Variants in RNF169 observed in about 807,000 individuals in gnomAD.
RNF169 encodes ring finger protein 169.
RNF169 carries 24 observed loss-of-function variants against 53.9 expected under a neutral mutation model. That is an observed-to-expected ratio of 0.45 (90% CI 0.32 to 0.63). The LOEUF is 0.63. Among genes scored for constraint, RNF169 ranks in the 20% least tolerant of loss-of-function variants. The probability of loss-of-function intolerance (pLI) is 0.04; values close to 1 mark genes in which losing one functional copy is unlikely to be tolerated. For synonymous variants in RNF169, 396 were observed against 363.5 expected, an observed-to-expected ratio of 1.09 and a Z score of -1.02; for missense variants, 883 against 906.2, an observed-to-expected ratio of 0.97 and a Z score of 0.33.
intron 1 of RNF169, among the ~76,000 whole-genome samples, chr11:74,783,821 T>A (rs930423324): frequency 1.3e-5 from 2 of 152,206 alleles, no homozygotes; most frequent in Non-Finnish European, 2.9e-5. Flanking sequence ...TTAAGAAAAG[T>A]AAAGTCTCAC....
rs1443964901 is a variant in RNF169, at chr11:74,834,611, A to G, written c.843-65A>G. The G allele has an allele frequency of 7.0e-6, 8 of 1,139,652 alleles. No individual in the cohort carries two copies. The East Asian group carries it at 9.9e-5, about 14-fold the overall frequency. 70.6% of individuals were successfully genotyped at this position (1,139,652 alleles called of 1,614,324 possible). A position where few individuals can be genotyped will look rare whatever the true frequency, so the allele number is the denominator to read the frequency against. On this transcript the variant is annotated intron_variant, in intron 4 of 5. Transcript: ENST00000299563. ...GCTTAGAAAGCAAAAAGATATTGTC[A>G]TCCTTTTTCCTTACCTATATATGGA...
intron 2 of RNF169, among the ~76,000 whole-genome samples, chr11:74,803,374 G>A (rs1235977804): frequency 1.3e-5 from 2 of 152,110 alleles, no homozygotes; most frequent in Non-Finnish European, 2.9e-5. Flanking sequence ...ATGAGCCACC[G>A]CGCCCAACCA....
intron 3 of RNF169, among the ~76,000 whole-genome samples, chr11:74,811,044 C>T (rs1230589844): frequency 6.6e-6 from 1 of 151,880 alleles, no homozygotes; most frequent in Non-Finnish European, 1.5e-5. Flanking sequence ...GTGATTCAGG[C>T]TTGTTAAAAT....
Position 74,749,018 on chromosome 11 carries a change from G to T in RNF169, c.138G>T (p.Ser46=), listed in dbSNP as rs1474085626. The change falls in exon 1 of 6, where the codon TCG becomes TCT. Residue 46 remains serine, a synonymous_variant. Transcript: ENST00000299563. ...CCCCAGGCCCGGCTTCTGGACCTTC[G>T]CTGTTGGTGTTGTCGCCGCCGTTGC... ...TGAPGPASGP[S]LLVLSPPLLQ... is the part of the protein sequence containing the mutation. The T allele has an allele frequency of 1.3e-6, 2 of 1,489,992 alleles. No homozygotes were observed. Among genetic ancestry groups the T allele is most frequent in the Non-Finnish European group, 1.8e-6 (2 of 1,116,734 alleles). The allele number at this position is 1,489,992 out of a possible 1,614,324, so 92.3% of individuals were successfully genotyped here.
At position 74,749,236 on chromosome 11, in the gene RNF169, G is replaced by A. The variant is rs759737139; in HGVS notation, c.356G>A (p.Arg119His). Residue 119 changes from arginine to histidine, a missense_variant, in exon 1 of 6, where the codon CGC becomes CAC. Around this residue, in one of 3 missense-constraint regions of RNF169, gnomAD observed 313 missense variants for 279.9 expected, o/e 1.12. Transcript: ENST00000299563. ...RGPGWARRRA[R>H]DDGQADSEVL... ...CCAGGCTGGGCCCGCCGTCGGGCCCGCGACGACGGCCAGGCCGACTCAGAG... is the reference window on the plus strand; with the variant it reads ...CCAGGCTGGGCCCGCCGTCGGGCCCACGACGACGGCCAGGCCGACTCAGAG... 1.7e-3 allele frequency: 1,844 copies of A among 1,079,878 alleles called. 2 individuals carry two copies. Among genetic ancestry groups the A allele is most frequent in the Non-Finnish European group, 1.9e-3 (1,682 of 893,132 alleles). The allele number at this position is 1,079,878 out of a possible 1,614,324, so 66.9% of individuals were successfully genotyped here. A position where few individuals can be genotyped will look rare whatever the true frequency, so the allele number is the denominator to read the frequency against.
chr11:74,807,645 C>T (rs967850100), intron 2 of RNF169: 3 of 152,074 alleles, frequency 2.0e-5, no homozygotes, highest in African/African-American at 7.2e-5. Flanking sequence ...ATAAAATAGT[C>T]ATGATAAATA....
At chr11:74,780,085 C>T (rs750274534) in intron 1 of RNF169, among the ~76,000 whole-genome samples, 10 of 152,122 alleles carry the variant, frequency 6.6e-5, no homozygotes, top group Admixed American at 1.3e-4. Flanking sequence ...GCCTGCCTTT[C>T]GCTGTTGTGC....
chr11:74,805,681 T>C lies in RNF169; in HGVS notation c.577-4503T>C, dbSNP rs533730316. ...AAGGCACTAACCGTAAGGTAAAAGA[T>C]TGATAAATTGAACTGCATCAGAACC... On this transcript the variant is annotated intron_variant, in intron 2 of 5. Transcript: ENST00000299563. Among the ~76,000 whole-genome samples the C allele has an allele frequency of 2.6e-4, 40 of 152,268 alleles. No individual in the cohort carries two copies. The South Asian group carries it at 5.4e-3, about 20-fold the overall frequency.
chr11:74,785,162 T>TATATATATATATGATATATATATATG lies in RNF169; in HGVS notation c.503-4454_503-4453insATGATATATATATATGATATATATAT, dbSNP rs1565176415. On this transcript the variant is annotated intron_variant, in intron 1 of 5. Coordinates refer to ENST00000299563, the MANE Select transcript of RNF169 (RefSeq NM_001098638.2). ...AGAAGCTTCAACATGTATTTTTATA[T>TATATATATATATGATATATATATATG]ATATATATATGATATATATATATGA... Among the ~76,000 whole-genome samples, 5 of 126,504 alleles carry TATATATATATATGATATATATATATG rather than the reference T, an allele frequency of 4.0e-5. No homozygotes were observed. The East Asian group carries it at 8.3e-4, about 21-fold the overall frequency. The allele number at this position is 126,504 out of a possible 152,430, so 83.0% of individuals were successfully genotyped here. A position where few individuals can be genotyped will look rare whatever the true frequency, so the allele number is the denominator to read the frequency against.
chr11:74,809,182 CTTAAT>C, intron 2 of RNF169, among the ~76,000 whole-genome samples: 1 of 151,820 alleles, frequency 6.6e-6, no homozygotes, highest in East Asian at 1.9e-4. Context: ...TGTTCTTTAG[CTTAAT>C]TTTTTTCTTA....
intron 4 of RNF169, among the ~76,000 whole-genome samples, chr11:74,822,959 G>A (rs772370826): frequency 1.3e-5 from 2 of 152,024 alleles, no homozygotes; most frequent in African/African-American, 4.8e-5. Flanking sequence ...AATACTTACC[G>A]CCTCCATTTT....
At chr11:74,823,086 TAAC>T (rs1565186110) in intron 4 of RNF169, among the ~76,000 whole-genome samples, 2 of 152,188 alleles carry the variant, frequency 1.3e-5, no homozygotes, top group African/African-American at 4.8e-5. Flanking sequence ...AATGCTACAA[TAAC>T]AACAATAATA....
rs545828916 is a variant in RNF169, at chr11:74,829,058, C to G, written c.843-5618C>G. Among the ~76,000 whole-genome samples the G allele has an allele frequency of 1.1e-4, 16 of 152,258 alleles. No individual in the cohort carries two copies. The South Asian group carries it at 3.3e-3, about 32-fold the overall frequency. On this transcript the variant is annotated intron_variant, in intron 4 of 5. Transcript: ENST00000299563. ...AACTGTCATCAGAGTGAACAGACAA[C>G]CTATGGAATGGGAGAAAAATTTTTG... is the stretch of plus-strand genomic sequence containing the variant.
intron 3 of RNF169, among the ~76,000 whole-genome samples, chr11:74,815,290 T>C (rs2035928407): frequency 1.3e-5 from 2 of 152,154 alleles, no homozygotes; most frequent in South Asian, 2.1e-4. Context: ...GCGCGGTGGC[T>C]CACACCTGTA....
intron 3 of RNF169, among the ~76,000 whole-genome samples, chr11:74,810,710 C>T (rs1344454142): frequency 6.6e-6 from 1 of 152,052 alleles, no homozygotes; most frequent in Non-Finnish European, 1.5e-5. Context: ...TTTTACTTTC[C>T]TTTATTTGTT....
At chr11:74,777,612 T>C (rs958217369) in intron 1 of RNF169, among the ~76,000 whole-genome samples, 1 of 151,976 alleles carries the variant, frequency 6.6e-6, no homozygotes. Flanking sequence ...TCTACTCTTA[T>C]ACCTGCTTTT....
chr11:74,812,456 G>A (rs2035887837), intron 3 of RNF169, among the ~76,000 whole-genome samples: 1 of 151,890 alleles, frequency 6.6e-6, no homozygotes, highest in Non-Finnish European at 1.5e-5. Context: ...CACCATGGCT[G>A]GTCAATTTTT....
intron 2 of RNF169, among the ~76,000 whole-genome samples, chr11:74,795,309 T>C (rs1591410357): frequency 6.6e-6 from 1 of 150,590 alleles, no homozygotes; most frequent in South Asian, 2.1e-4. Context: ...AGCCTTTGTC[T>C]CCTGGGCTCA....
chr11:74,785,187 A>ATATATATATGTTATATATAT (rs1491349458), intron 1 of RNF169, among the ~76,000 whole-genome samples: 5 of 82,650 alleles, frequency 6.0e-5, no homozygotes, highest in Non-Finnish European at 1.0e-4. Flanking sequence ...TATATATATG[A>ATATATATATGTTATATATAT]TATATATATG....
Sources: allele counts gnomAD v4.1 joint callset (sites outside exome capture counted in the v4.1 genomes callset), GRCh38; gene constraint gnomAD v4.1.1; regional missense constraint gnomAD v4.1.1; transcripts MANE v1.5; gene names NCBI Gene and HGNC (gene_info 2026-07-23, HGNC 2026-07-21).